WDFY4: variants seen among roughly 807,000 people sequenced by gnomAD.
WDFY4 encodes WD repeat- and FYVE domain-containing protein 4.
In WDFY4, 169 loss-of-function variants were observed where a neutral mutation model predicts 351.9. The observed-to-expected ratio is 0.48, with a 90% confidence interval of 0.42 to 0.55. The LOEUF (loss-of-function observed/expected upper bound fraction) is 0.55, where lower values mean the gene tolerates loss of function less well. Ranked by LOEUF, WDFY4 falls within the 20% of genes least tolerant of loss-of-function variation. WDFY4 has a pLI of 0.00. For synonymous variants in WDFY4, 1,622 were observed against 1,574.6 expected, an observed-to-expected ratio of 1.03 and a Z score of -0.71; for missense variants, 3,803 against 3,935.6, an observed-to-expected ratio of 0.97 and a Z score of 0.90.
At chr10:48,720,915 G>C (rs995440654) in intron 3 of WDFY4, among the ~76,000 whole-genome samples, 1 of 148,524 alleles carries the variant, frequency 6.7e-6, no homozygotes, top group Non-Finnish European at 1.5e-5. Flanking sequence ...TAGATTTCAG[G>C]AATTCTTGCA....
At chr10:48,906,572 C>T (rs1279966552) in intron 47 of WDFY4, among the ~76,000 whole-genome samples, 1 of 152,198 alleles carries the variant, frequency 6.6e-6, no homozygotes, top group Admixed American at 6.5e-5. Context: ...TGGATGAGTC[C>T]TGCTCTGTGG....
At chr10:48,838,954 G>A (rs1250489471) in intron 39 of WDFY4, among the ~76,000 whole-genome samples, 1 of 152,186 alleles carries the variant, frequency 6.6e-6, no homozygotes, top group Non-Finnish European at 1.5e-5. Flanking sequence ...GGGTCTTGCT[G>A]AGGCTGAGGG....
intron 40 of WDFY4, among the ~76,000 whole-genome samples, chr10:48,870,382 T>G (rs575775176): frequency 6.6e-6 from 1 of 151,882 alleles, no homozygotes; most frequent in East Asian, 1.9e-4. Flanking sequence ...AAAAAAGTAG[T>G]TAAAAAGACA....
chr10:48,783,750 G>A (rs1158126126), intron 19 of WDFY4, among the ~76,000 whole-genome samples: 4 of 152,064 alleles, frequency 2.6e-5, no homozygotes, highest in Non-Finnish European at 5.9e-5. Flanking sequence ...CTAACACTTA[G>A]GCTATATGGT....
At chr10:48,946,820 A>G (rs1349349984) in intron 50 of WDFY4, 40 bp from the exon 51 acceptor site, 1 of 1,426,434 alleles carries the variant, frequency 7.0e-7, no homozygotes, top group Non-Finnish European at 9.7e-7. Context: ...GTGTGAGTGC[A>G]GGTAAGGAAG....
chr10:48,804,681 C>T, intron 25 of WDFY4: 6 of 978,916 alleles, frequency 6.1e-6, no homozygotes, highest in Non-Finnish European at 7.3e-6. Flanking sequence ...TGTACCTGTA[C>T]CAGTTGTTTT....
At chr10:48,968,780 G>A (rs1842200985) in intron 55 of WDFY4, 3 of 443,248 alleles carry the variant, frequency 6.8e-6, no homozygotes, top group Non-Finnish European at 4.2e-6. Flanking sequence ...TTCCAGCTGG[G>A]GCTGGGGGTG....
At chr10:48,978,612 A>C in intron 60 of WDFY4, 1 of 505,520 alleles carries the variant, frequency 2.0e-6, no homozygotes, top group Non-Finnish European at 3.5e-6. Context: ...CCTCAGAATA[A>C]CCTAACCATA....
chr10:48,959,611 A>G (rs573720944), intron 52 of WDFY4, 111 bp from the exon 53 acceptor site: 1 of 941,946 alleles, frequency 1.1e-6, no homozygotes, highest in African/African-American at 1.6e-5. Flanking sequence ...AACATAACTC[A>G]CGTTCAGACC....
Position 48,970,112 on chromosome 10 carries a change from T to A in WDFY4, c.8770-19T>A. ...CCTGCTGTCTCCACAGCAGCGCTCATCCCCCTTATCTCCTACAGGTCCTGA... is the reference window on the plus strand; with the variant it reads ...CCTGCTGTCTCCACAGCAGCGCTCAACCCCCTTATCTCCTACAGGTCCTGA... On this transcript the variant is annotated intron_variant, in intron 56 of 61. Transcript: ENST00000325239. 6.4e-7 allele frequency: 1 copy of A among 1,550,666 alleles called. No individual in the cohort carries two copies. The highest frequency in any genetic ancestry group is 8.7e-7 in the Non-Finnish European group (1 of 1,146,752).
intron 23 of WDFY4, among the ~76,000 whole-genome samples, chr10:48,793,238 A>G (rs745429626): frequency 6.6e-6 from 1 of 152,214 alleles, no homozygotes; most frequent in South Asian, 2.1e-4. Flanking sequence ...GTGGACAGAA[A>G]AATACTGTTA....
rs1488168165 is a variant in WDFY4 at position 48,775,542 on chromosome 10, G to A, written c.2769-170G>A. On this transcript the variant is annotated intron_variant, in intron 14 of 61. Transcript: ENST00000325239. ...ACTTACCAGCTCTCTGGTCTGGTCT[G>A]GCTGGCAGGGCAGAGACACCCTGTC... Among the ~76,000 whole-genome samples the A allele has an allele frequency of 6.6e-5, 10 of 152,180 alleles. No homozygotes were observed. The East Asian group carries it at 1.9e-3, about 29-fold the overall frequency.
intron 53 of WDFY4, among the ~76,000 whole-genome samples, chr10:48,962,509 C>G (rs958515027): frequency 6.6e-6 from 1 of 152,160 alleles, no homozygotes; most frequent in Non-Finnish European, 1.5e-5. Flanking sequence ...ACTGTGATAT[C>G]GAGACACTGG....
At chr10:48,693,244 G>A (rs1202265825) in intron 1 of WDFY4, among the ~76,000 whole-genome samples, 1 of 152,188 alleles carries the variant, frequency 6.6e-6, no homozygotes, top group Non-Finnish European at 1.5e-5. Flanking sequence ...GAGTTGTGCT[G>A]TAAAGTCTGA....
intron 39 of WDFY4, among the ~76,000 whole-genome samples, chr10:48,840,340 T>C (rs2068554090): frequency 6.6e-6 from 1 of 151,908 alleles, no homozygotes; most frequent in Non-Finnish European, 1.5e-5. Context: ...AGGGGCTCCA[T>C]TATCCTTTTA....
intron 47 of WDFY4, among the ~76,000 whole-genome samples, chr10:48,915,367 T>C (rs1838419061): frequency 6.6e-6 from 1 of 151,622 alleles, no homozygotes; most frequent in South Asian, 2.1e-4. Flanking sequence ...TCTGTTTGGT[T>C]CTGGGACCCC....
intron 47 of WDFY4, among the ~76,000 whole-genome samples, chr10:48,936,086 A>C (rs1341601339): frequency 1.3e-5 from 2 of 152,208 alleles, no homozygotes. Flanking sequence ...ATTAGAAAAT[A>C]AATTAACTAG....
rs138280112 is a variant in WDFY4 at position 48,913,981 on chromosome 10, G to A, written c.7586+12118G>A. On this transcript the variant is annotated intron_variant, in intron 47 of 61. Transcript: ENST00000325239. ...TCAGGGATCTTCCTGATAAGATTCCGGCTAAGGTCCAGCTCGTCCATGTCA... is the reference window on the plus strand; with the variant it reads ...TCAGGGATCTTCCTGATAAGATTCCAGCTAAGGTCCAGCTCGTCCATGTCA... The A allele has an allele frequency of 2.5e-5, 40 of 1,614,132 alleles. No homozygotes were observed. Among genetic ancestry groups the A allele is most frequent in the East Asian group, 4.5e-5 (2 of 44,876 alleles).
At position 48,873,647 on chromosome 10, in the gene WDFY4, C is replaced by T. The variant is rs570644020; in HGVS notation, c.6898C>T (p.Arg2300Cys). The stretch of plus-strand genomic sequence containing the variant: ...AGAAGGACCAGCTCGAATGAGGAAA[C>T]GCATCAAACGCTTGTCTCCTTTGGA... ...WREGPARMRK[R>C]IKRLSPLEAL... Residue 2300 changes from arginine to cysteine, a missense_variant, in exon 41 of 62, where the codon CGC (arginine) becomes TGC (cysteine). Physicochemically the swap from Arg to Cys is radical, Grantham distance 180. Around this residue, in one of 3 missense-constraint regions of WDFY4, gnomAD observed 3,054 missense variants for 3,148.6 expected, o/e 0.97. Transcript: ENST00000325239. The T allele has an allele frequency of 4.4e-5, 68 of 1,551,826 alleles. No individual in the cohort carries two copies. Among genetic ancestry groups the T allele is most frequent in the Non-Finnish European group, 5.7e-5 (65 of 1,147,014 alleles).
Sources: allele counts gnomAD v4.1 joint callset (sites outside exome capture counted in the v4.1 genomes callset), GRCh38; gene constraint gnomAD v4.1.1; regional missense constraint gnomAD v4.1.1; transcripts MANE v1.5; gene names NCBI Gene and HGNC (gene_info 2026-07-23, HGNC 2026-07-21).